Variants in PPARGC1A observed in about 807,000 individuals in gnomAD.
The protein encoded by PPARGC1A is peroxisome proliferator-activated receptor gamma coactivator 1-alpha.
PPARGC1A carries 25 observed loss-of-function variants against 88.7 expected under a neutral mutation model. That is an observed-to-expected ratio of 0.28 (90% confidence interval 0.21 to 0.39). The LOEUF is 0.39. Among genes scored for constraint, PPARGC1A ranks in the 10% least tolerant of loss-of-function variants. PPARGC1A has a pLI of 1.00. For synonymous variants in PPARGC1A, 363 were observed against 355.6 expected, an observed-to-expected ratio of 1.02 and a Z score of -0.24; for missense variants, 880 against 968.7, an observed-to-expected ratio of 0.91 and a Z score of 1.22.
chr4:24,133,433 G>A, the PPARGC1A span, among the ~76,000 whole-genome samples: 25,092 of 152,122 alleles, frequency 0.16, 2,324 homozygotes, highest in Non-Finnish European at 0.18. Context: ...AGAAATAAAC[G>A]TTATTTGCAA....
the PPARGC1A span, among the ~76,000 whole-genome samples, chr4:24,365,666 T>C: frequency 6.6e-6 from 1 of 152,326 alleles, no homozygotes; most frequent in Non-Finnish European, 1.5e-5. Flanking sequence ...TCAGATAAAT[T>C]CCAGTTGGGC....
chr4:24,264,031 G>A, the PPARGC1A span, among the ~76,000 whole-genome samples: 11 of 152,118 alleles, frequency 7.2e-5, no homozygotes, highest in African/African-American at 2.7e-4. Context: ...GATTACAGGT[G>A]TGAACCACCT....
the PPARGC1A span, among the ~76,000 whole-genome samples, chr4:24,403,344 C>A: frequency 6.6e-6 from 1 of 152,168 alleles, no homozygotes; most frequent in South Asian, 2.1e-4. Flanking sequence ...TTCAGTGGAA[C>A]GTTAAGCTCT....
At chr4:24,421,141 T>C in the PPARGC1A span, among the ~76,000 whole-genome samples, 1 of 152,146 alleles carries the variant, frequency 6.6e-6, no homozygotes, top group South Asian at 2.1e-4. Flanking sequence ...ACACTAGATT[T>C]AGAAAAAACA....
At chr4:23,859,673 C>T (rs181606418) in intron 2 of PPARGC1A, among the ~76,000 whole-genome samples, 13 of 151,546 alleles carry the variant, frequency 8.6e-5, no homozygotes, top group East Asian at 2.0e-4. Flanking sequence ...CCCAGCTACT[C>T]GGGAGGCTGA....
At chr4:24,414,354 T>A in the PPARGC1A span, among the ~76,000 whole-genome samples, 1 of 152,158 alleles carries the variant, frequency 6.6e-6, no homozygotes, top group African/African-American at 2.4e-5. Context: ...TTTTATTCTC[T>A]TCTTTTTCTC....
the PPARGC1A span, among the ~76,000 whole-genome samples, chr4:24,264,766 C>A: frequency 2.6e-5 from 4 of 152,224 alleles, no homozygotes; most frequent in Non-Finnish European, 4.4e-5. Context: ...AAGCCCCAGA[C>A]AAAGACCATG....
At chr4:23,808,321 A>G (rs879434540) in intron 10 of PPARGC1A, among the ~76,000 whole-genome samples, 1 of 151,510 alleles carries the variant, frequency 6.6e-6, no homozygotes. Flanking sequence ...GTTTATAATT[A>G]TCAGCAGTAC....
chr4:23,934,552 G>A, the PPARGC1A span, among the ~76,000 whole-genome samples: 16 of 152,288 alleles, frequency 1.1e-4, no homozygotes, highest in African/African-American at 3.8e-4. Flanking sequence ...ATGATGGAGA[G>A]ACTTCATGAA....
At chr4:24,381,760 T>C in the PPARGC1A span, among the ~76,000 whole-genome samples, 3 of 152,270 alleles carry the variant, frequency 2.0e-5, no homozygotes, top group Non-Finnish European at 4.4e-5. Flanking sequence ...GATTATCTGC[T>C]GAATAGCCAA....
chr4:24,031,509 T>A, the PPARGC1A span, among the ~76,000 whole-genome samples: 1 of 152,164 alleles, frequency 6.6e-6, no homozygotes, highest in South Asian at 2.1e-4. Context: ...GACCTGAGCA[T>A]CAATACATGG....
chr4:24,321,166 C>T, the PPARGC1A span, among the ~76,000 whole-genome samples: 128 of 152,254 alleles, frequency 8.4e-4, no homozygotes, highest in African/African-American at 2.8e-3. Context: ...TTGCCGGTGT[C>T]GATTCCCTCA....
chr4:24,430,058 G>T, the PPARGC1A span, among the ~76,000 whole-genome samples: 1 of 152,064 alleles, frequency 6.6e-6, no homozygotes, highest in Admixed American at 6.5e-5. Flanking sequence ...ACTGGAAAAA[G>T]CCTTACATGC....
the PPARGC1A span, among the ~76,000 whole-genome samples, chr4:24,002,604 C>CTTT: frequency 7.3e-6 from 1 of 136,408 alleles, no homozygotes; most frequent in Non-Finnish European, 1.6e-5. Context: ...GTGCATGCTG[C>CTTT]TTTTTTTTTT....
At chr4:24,179,116 A>G in the PPARGC1A span, among the ~76,000 whole-genome samples, 1 of 152,126 alleles carries the variant, frequency 6.6e-6, no homozygotes, top group Non-Finnish European at 1.5e-5. Flanking sequence ...CTGTAGAGTA[A>G]TCTGTGACTG....
At chr4:24,242,667 A>G in the PPARGC1A span, among the ~76,000 whole-genome samples, 37 of 152,172 alleles carry the variant, frequency 2.4e-4, no homozygotes, top group Non-Finnish European at 4.1e-4. Context: ...AACAATTCTT[A>G]AAGTCTCGAT....
the PPARGC1A span, among the ~76,000 whole-genome samples, chr4:24,179,756 C>T: frequency 1.2e-4 from 18 of 152,008 alleles, no homozygotes; most frequent in African/African-American, 1.7e-4. Flanking sequence ...TTTACAGTGC[C>T]GATACAGTGC....
intron 2 of PPARGC1A, among the ~76,000 whole-genome samples, chr4:23,867,581 C>T (rs914889926): frequency 1.3e-5 from 2 of 152,158 alleles, no homozygotes; most frequent in Non-Finnish European, 2.9e-5. Context: ...CTACAGATAC[C>T]AGAAAAGGGC....
the PPARGC1A span, among the ~76,000 whole-genome samples, chr4:24,269,390 A>T: frequency 6.6e-6 from 1 of 152,102 alleles, no homozygotes; most frequent in Non-Finnish European, 1.5e-5. Flanking sequence ...TCTCTATAGA[A>T]TGAACACATA....
Sources: allele counts gnomAD v4.1 joint callset (sites outside exome capture counted in the v4.1 genomes callset), GRCh38; gene constraint gnomAD v4.1.1; transcripts MANE v1.5; gene names NCBI Gene and HGNC (gene_info 2026-07-23, HGNC 2026-07-21).